Variants in QKI observed in about 807,000 individuals in gnomAD.
QKI encodes the protein QKI, KH domain containing RNA binding, also known as KH domain-containing RNA-binding protein QKI.
A neutral mutation model predicts 39.0 loss-of-function variants in QKI; 10 were observed. The observed-to-expected ratio is 0.26, with a 90% CI of 0.16 to 0.43. The LOEUF (loss-of-function observed/expected upper bound fraction) is 0.43, where lower values mean the gene tolerates loss of function less well. QKI is among the 20% of genes least tolerant of loss of function. The probability of loss-of-function intolerance (pLI) is 1.00; values close to 1 mark genes in which losing one functional copy is unlikely to be tolerated. For synonymous variants in QKI, 204 were observed against 155.4 expected (o/e 1.31, Z -2.33); for missense variants, 218 against 428.0 (o/e 0.51, Z 4.33).
rs1783732483 is a variant in QKI, at chr6:163,572,196, A to T, written c.*1486A>T. 6.6e-6 allele frequency: 1 copy of T among 152,260 alleles called. No homozygotes were observed. The allele number at this position is 152,260 out of a possible 1,614,324, so 9.4% of individuals were successfully genotyped here. Reference sequence around the variant, plus strand: ...GATTCTGAGATAAAAATTATGTGTCATCTAAACTTCAGTTTACAGACAAAA... The same window carrying T: ...GATTCTGAGATAAAAATTATGTGTCTTCTAAACTTCAGTTTACAGACAAAA... On this transcript the variant is annotated 3_prime_UTR_variant, in exon 8 of 8. Coordinates refer to ENST00000361752, the MANE Select transcript of QKI (RefSeq NM_006775.3).
intron 4 of QKI, among the ~76,000 whole-genome samples, chr6:163,550,506 T>C (rs1170031205): frequency 6.6e-6 from 1 of 152,206 alleles, no homozygotes; most frequent in Non-Finnish European, 1.5e-5. Flanking sequence ...GCTATGTGGC[T>C]ATTATTATAA....
At chr6:163,444,974 T>C (rs1478210987) in intron 1 of QKI, among the ~76,000 whole-genome samples, 1 of 152,076 alleles carries the variant, frequency 6.6e-6, no homozygotes, top group Non-Finnish European at 1.5e-5. Context: ...AGCGGAGTGA[T>C]CATGGACCAC....
At chr6:163,474,444 A>G (rs1792429108) in intron 2 of QKI, among the ~76,000 whole-genome samples, 1 of 152,186 alleles carries the variant, frequency 6.6e-6, no homozygotes, top group African/African-American at 2.4e-5. Flanking sequence ...TATGAGAGTC[A>G]GTAATGAAGA....
intron 3 of QKI, among the ~76,000 whole-genome samples, chr6:163,521,035 T>C (rs902302066): frequency 2.6e-5 from 4 of 152,160 alleles, no homozygotes; most frequent in African/African-American, 9.7e-5. Flanking sequence ...CCTTGGTTTT[T>C]TTCTGCTGAG....
At chr6:163,455,558 G>T in intron 2 of QKI, 137 bp downstream of exon 2, 2 of 901,676 alleles carry the variant, frequency 2.2e-6, no homozygotes, top group Non-Finnish European at 3.3e-6. Context: ...TGAATAATTT[G>T]GCATGATAAT....
At chr6:163,426,800 G>A (rs2128209443) in intron 1 of QKI, among the ~76,000 whole-genome samples, 1 of 152,318 alleles carries the variant, frequency 6.6e-6, no homozygotes, top group Middle Eastern at 3.4e-3. Context: ...GGTTCTCAAA[G>A]TAAAGTGTTG....
chr6:163,539,533 C>A (rs1781390248), intron 4 of QKI, among the ~76,000 whole-genome samples: 1 of 152,078 alleles, frequency 6.6e-6, no homozygotes, highest in Non-Finnish European at 1.5e-5. Context: ...ATGGTAGTTC[C>A]TTAGACCTTT....
chr6:163,539,409 C>G (rs746676085), intron 4 of QKI, among the ~76,000 whole-genome samples: 1 of 152,132 alleles, frequency 6.6e-6, no homozygotes, highest in African/African-American at 2.4e-5. Flanking sequence ...TTTCCCTCTT[C>G]AAGATTTTAT....
intron 3 of QKI, among the ~76,000 whole-genome samples, chr6:163,493,110 G>C (rs375839825): frequency 6.7e-6 from 1 of 148,798 alleles, no homozygotes. Context: ...AGTATATTAC[G>C]TACTAAAAAG....
At chr6:163,461,143 CTT>C (rs1360959958) in intron 2 of QKI, among the ~76,000 whole-genome samples, 3 of 152,088 alleles carry the variant, frequency 2.0e-5, no homozygotes, top group African/African-American at 7.2e-5. Flanking sequence ...ATTTATGACT[CTT>C]TGTTTTGTTT....
chr6:163,453,260 C>T (rs113298657), intron 1 of QKI, among the ~76,000 whole-genome samples: 1,929 of 151,776 alleles, frequency 0.013, 39 homozygotes, highest in African/African-American at 0.045. Context: ...GTGCATTTTT[C>T]TTTTTCTATT....
At chr6:163,463,269 A>T (rs555576481) in intron 2 of QKI, among the ~76,000 whole-genome samples, 1 of 152,328 alleles carries the variant, frequency 6.6e-6, no homozygotes, top group African/African-American at 2.4e-5. Flanking sequence ...GAACTCTAGA[A>T]TCAACCTAGG....
intron 2 of QKI, among the ~76,000 whole-genome samples, chr6:163,460,909 G>A (rs192554324): frequency 5.5e-5 from 8 of 145,220 alleles, no homozygotes; most frequent in African/African-American, 1.8e-4. Context: ...TTAAAATTAC[G>A]ATCTACACAT....
At chr6:163,546,135 A>G (rs1208671205) in intron 4 of QKI, among the ~76,000 whole-genome samples, 1 of 150,906 alleles carries the variant, frequency 6.6e-6, no homozygotes, top group African/African-American at 2.4e-5. Context: ...TCTTTATTAA[A>G]TGTATGATAT....
intron 4 of QKI, among the ~76,000 whole-genome samples, chr6:163,540,557 C>G (rs1781447192): frequency 6.6e-6 from 1 of 152,122 alleles, no homozygotes; most frequent in Non-Finnish European, 1.5e-5. Flanking sequence ...CTCAGAGAAG[C>G]TTGAGCATTA....
chr6:163,500,014 G>A (rs991803079), intron 3 of QKI, among the ~76,000 whole-genome samples: 1 of 152,138 alleles, frequency 6.6e-6, no homozygotes. Flanking sequence ...TCTGATGGGT[G>A]GTTGACATGG....
intron 3 of QKI, among the ~76,000 whole-genome samples, chr6:163,525,301 T>C (rs1370439480): frequency 2.8e-5 from 4 of 145,272 alleles, no homozygotes; most frequent in Non-Finnish European, 4.5e-5. Flanking sequence ...TCTCTCTCTC[T>C]CCCCTCTCTC....
At chr6:163,530,793 A>T (rs190531194) in intron 3 of QKI, among the ~76,000 whole-genome samples, 1 of 152,040 alleles carries the variant, frequency 6.6e-6, no homozygotes, top group African/African-American at 2.4e-5. Context: ...TTTACTTTCA[A>T]TTGCTACATT....
chr6:163,444,343 A>G lies in QKI; in HGVS notation c.143-10936A>G, dbSNP rs966409836. 3.9e-5 allele frequency among the ~76,000 whole-genome samples: 6 copies of G among 152,350 alleles called. No individual in the cohort carries two copies. In the East Asian group the frequency reaches 7.7e-4, roughly 20 times the overall value. ...GACCCAGAAGGTTCAGTTTGAAGGCACACAGCTCAGCTAAATCATGCTGGC... is the reference window on the plus strand; with the variant it reads ...GACCCAGAAGGTTCAGTTTGAAGGCGCACAGCTCAGCTAAATCATGCTGGC... On this transcript the variant is annotated intron_variant, in intron 1 of 7. Coordinates refer to ENST00000361752, the MANE Select transcript of QKI (RefSeq NM_006775.3).
Sources: gnomAD v4.1 joint callset for allele counts (sites outside exome capture counted in the v4.1 genomes callset) on GRCh38, gnomAD v4.1.1 for gene constraint, MANE v1.5 for transcripts, NCBI Gene and HGNC (gene_info 2026-07-23, HGNC 2026-07-21) for gene names.